The following CEP120 variants were observed in gnomAD, a reference collection of about 807,000 sequenced individuals.
CEP120 encodes centrosomal protein of 120 kDa.
Under a neutral mutation model 126.5 loss-of-function variants are expected in CEP120, and 113 were observed. That is an observed-to-expected ratio of 0.89 (90% confidence interval 0.77 to 1.04). CEP120 has a LOEUF of 1.04. Ranked by LOEUF, CEP120 falls within the 50% of genes least tolerant of loss-of-function variation. The pLI is 0.00. For synonymous variants in CEP120, 400 were observed against 394.3 expected, an observed-to-expected ratio of 1.01 and a Z score of -0.17; for missense variants, 1,230 against 1,155.7, an observed-to-expected ratio of 1.06 and a Z score of -0.93.
At chr5:123,386,780 CT>C in intron 9 of CEP120, 113 bp from the exon 10 acceptor site, 1 of 786,528 alleles carries the variant, frequency 1.3e-6, no homozygotes, top group Non-Finnish European at 1.8e-6. Flanking sequence ...GCAAATACAA[CT>C]TTTTAATAGA....
At position 123,391,270 on chromosome 5, in the gene CEP120, T is replaced by A. The variant is rs1772376862; in HGVS notation, c.878A>T (p.Lys293Met). 6 of 1,614,056 alleles carry A rather than the reference T, an allele frequency of 3.7e-6. No individual in the cohort carries two copies. The highest frequency in any genetic ancestry group is 3.3e-4 in the Middle Eastern group (2 of 6,084). The change falls in exon 7 of 20, where the codon AAG (lysine) becomes ATG (methionine). Residue 293 changes from lysine to methionine, a missense_variant. Transcript: ENST00000306467. Reference protein sequence around the residue: ...TEIPLTGLLKKGSTEINQHPV... With the variant: ...TEIPLTGLLKMGSTEINQHPV... ...GTGCTGGTTGATTTCTGTACTGCCC[T>A]TTTTAAGTAATCCAGTTAAAGGTAT...
intron 1 of CEP120, among the ~76,000 whole-genome samples, chr5:123,420,998 C>A (rs563471963): frequency 2.0e-5 from 3 of 152,226 alleles, no homozygotes; most frequent in African/African-American, 7.2e-5. Context: ...GGAGGGAGGA[C>A]CACATGCTAG....
chr5:123,370,325 AG>A (rs1770762636), intron 17 of CEP120, among the ~76,000 whole-genome samples: 4 of 151,992 alleles, frequency 2.6e-5, no homozygotes, highest in Admixed American at 2.6e-4. Flanking sequence ...ATTAAATAAA[AG>A]ATTTTGAAGC....
Position 123,378,428 on chromosome 5 carries a change from C to T in CEP120, c.2104G>A (p.Val702Met), listed in dbSNP as rs1378955021. Reference sequence around the variant, plus strand: ...CCTTCTAGAATAGTATATTCAGCCACCTAAAATATAGTAAAAAAAAAAAAA... The same window carrying T: ...CCTTCTAGAATAGTATATTCAGCCATCTAAAATATAGTAAAAAAAAAAAAA... Reference protein sequence around the residue: ...RERESLVKKKVAEYTILEGKL... With the variant: ...RERESLVKKKMAEYTILEGKL... Residue 702 changes from valine to methionine, a missense_variant and splice_region_variant, in exon 15 of 20, where the codon GTG becomes ATG. Physicochemically the swap from Val to Met is conservative, Grantham distance 21. Coordinates refer to ENST00000306467, the MANE Select transcript of CEP120 (RefSeq NM_001375405.1). 6.7e-7 allele frequency: 1 copy of T among 1,483,634 alleles called. No homozygotes were observed. The highest frequency in any genetic ancestry group is 2.4e-5 in the Admixed American group (1 of 42,046). 91.9% of individuals were successfully genotyped at this position (1,483,634 alleles called of 1,614,324 possible).
At chr5:123,390,841 T>G (rs1278690331) in intron 7 of CEP120, 2 of 319,998 alleles carry the variant, frequency 6.3e-6, no homozygotes, top group African/African-American at 4.3e-5. Flanking sequence ...GAGTTCCTTT[T>G]CTGGAGTTGG....
intron 5 of CEP120, among the ~76,000 whole-genome samples, chr5:123,394,628 A>C (rs1005868151): frequency 5.9e-5 from 9 of 152,222 alleles, no homozygotes; most frequent in Non-Finnish European, 1.2e-4. Flanking sequence ...AAATTACAGG[A>C]CAGTTTGTAT....
intron 17 of CEP120, among the ~76,000 whole-genome samples, chr5:123,369,210 T>C (rs1179172366): frequency 6.6e-6 from 1 of 152,040 alleles, no homozygotes; most frequent in Non-Finnish European, 1.5e-5. Flanking sequence ...TATCTCATTA[T>C]TTACTTAACT....
chr5:123,389,166 A>G (rs1772219256), intron 8 of CEP120, among the ~76,000 whole-genome samples: 1 of 152,178 alleles, frequency 6.6e-6, no homozygotes, highest in South Asian at 2.1e-4. Context: ...TACTATTTAC[A>G]CTACTAACTA....
chr5:123,359,137 C>T (rs968533938), intron 18 of CEP120, among the ~76,000 whole-genome samples: 3 of 152,002 alleles, frequency 2.0e-5, no homozygotes, highest in Admixed American at 6.6e-5. Flanking sequence ...GGAGGCTGGA[C>T]AAGATAGTGC....
intron 18 of CEP120, among the ~76,000 whole-genome samples, chr5:123,357,886 G>A (rs1388250392): frequency 6.6e-6 from 1 of 152,026 alleles, no homozygotes; most frequent in African/African-American, 2.4e-5. Flanking sequence ...GCCAATTATT[G>A]GCAAAAATGT....
intron 18 of CEP120, among the ~76,000 whole-genome samples, 163 bp from the exon 19 acceptor site, chr5:123,350,252 G>A (rs1769117659): frequency 6.6e-6 from 1 of 151,994 alleles, no homozygotes; most frequent in Admixed American, 6.6e-5. Flanking sequence ...TGCCCAGGCT[G>A]GAGTGCACTG....
Position 123,350,165 on chromosome 5 carries a change from A to G in CEP120, c.2581-76T>C, listed in dbSNP as rs1206545559. The G allele has an allele frequency of 3.7e-6, 5 of 1,343,592 alleles. No homozygotes were observed. The African/African-American group carries it at 7.4e-5, about 20-fold the overall frequency. 83.2% of individuals were successfully genotyped at this position (1,343,592 alleles called of 1,614,324 possible). A position where few individuals can be genotyped will look rare whatever the true frequency, so the allele number is the denominator to read the frequency against. ...TTTTATATGACTTTGACTTGTGATT[A>G]TAATCCTATTTGACAACACCCATGA... On this transcript the variant is annotated intron_variant, in intron 18 of 19. Coordinates refer to ENST00000306467, the MANE Select transcript of CEP120 (RefSeq NM_001375405.1).
At chr5:123,407,303 T>TA (rs1223065892) in intron 4 of CEP120, among the ~76,000 whole-genome samples, 1 of 151,988 alleles carries the variant, frequency 6.6e-6, no homozygotes, top group Non-Finnish European at 1.5e-5. Context: ...ATGCACCAGT[T>TA]AAAAAACAGA....
At chr5:123,394,596 A>G (rs1265525213) in intron 5 of CEP120, among the ~76,000 whole-genome samples, 1 of 152,202 alleles carries the variant, frequency 6.6e-6, no homozygotes, top group Admixed American at 6.5e-5. Flanking sequence ...ATCCCTCTCT[A>G]AGATACACTG....
Position 123,382,900 on chromosome 5 carries a change from A to C in CEP120, c.1861-11T>G. 6.2e-7 allele frequency: 1 copy of C among 1,611,564 alleles called. No individual in the cohort carries two copies. Among genetic ancestry groups the C allele is most frequent in the Non-Finnish European group, 8.5e-7 (1 of 1,178,948 alleles). ...TACGGCAGATACACCCTAAGAGATGAACCAAAAAGTACATTTAAACACTCA... is the reference window on the plus strand; with the variant it reads ...TACGGCAGATACACCCTAAGAGATGCACCAAAAAGTACATTTAAACACTCA... On this transcript the variant is annotated splice_polypyrimidine_tract_variant and intron_variant, in intron 12 of 19. Transcript: ENST00000306467.
intron 1 of CEP120, among the ~76,000 whole-genome samples, chr5:123,420,996 G>A: frequency 6.6e-6 from 1 of 152,098 alleles, no homozygotes; most frequent in East Asian, 1.9e-4. Flanking sequence ...TTGGAGGGAG[G>A]ACCACATGCT....
chr5:123,403,718 G>A (rs1773440860), intron 4 of CEP120: 3 of 423,400 alleles, frequency 7.1e-6, no homozygotes, highest in East Asian at 8.0e-5. Flanking sequence ...TGGGAAGAAC[G>A]TGGCATCTGT....
At chr5:123,407,982 T>C (rs1413973780) in intron 4 of CEP120, among the ~76,000 whole-genome samples, 2 of 152,120 alleles carry the variant, frequency 1.3e-5, no homozygotes, top group African/African-American at 4.8e-5. Context: ...TCAAGAGAAA[T>C]TTAAAATATC....
intron 18 of CEP120, among the ~76,000 whole-genome samples, chr5:123,360,611 A>T (rs1257838096): frequency 6.6e-6 from 1 of 151,744 alleles, no homozygotes; most frequent in Non-Finnish European, 1.5e-5. Context: ...TATTCTCCTT[A>T]TTTGAATAAA....
Sources: gnomAD v4.1 joint callset for allele counts (sites outside exome capture counted in the v4.1 genomes callset) on GRCh38, gnomAD v4.1.1 for gene constraint, MANE v1.5 for transcripts, NCBI Gene and HGNC (gene_info 2026-07-23, HGNC 2026-07-21) for gene names.